Variants in RELA observed in about 807,000 individuals in gnomAD.
RELA encodes transcription factor p65.
RELA carries 14 observed loss-of-function variants against 56.7 expected under a neutral mutation model. That is an observed-to-expected ratio of 0.25 (90% CI 0.16 to 0.39). The LOEUF is 0.39. RELA is among the 10% of genes least tolerant of loss of function. The pLI, the probability that RELA is intolerant of heterozygous loss-of-function variation, is 1.00. For missense variants in RELA, 559 were observed against 736.4 expected, an observed-to-expected ratio of 0.76 and a Z score of 2.79; for synonymous variants, 315 against 289.7, an observed-to-expected ratio of 1.09 and a Z score of -0.89.
chr11:65,655,817 G>A (rs748386265), intron 9 of RELA, 38 bp downstream of exon 9: 9 of 1,612,236 alleles, frequency 5.6e-6, no homozygotes, highest in East Asian at 4.5e-5. Flanking sequence ...CTCCCTGCCC[G>A]CTGCCTTCCT....
Position 65,661,950 on chromosome 11 carries a change from T to G in RELA, c.173A>C (p.His58Pro). 6.2e-7 allele frequency: 1 copy of G among 1,613,272 alleles called. No homozygotes were observed. Among genetic ancestry groups the G allele is most frequent in the Non-Finnish European group, 8.5e-7 (1 of 1,179,664 alleles). Residue 58 changes from histidine to proline, a missense_variant, in exon 3 of 11, where the codon CAC becomes CCC. Transcript: ENST00000406246. The stretch of plus-strand genomic sequence containing the variant: ...CGCAGTGCTGACCTTGATGGTGGGG[T>G]GGGTCTTGGTGGTATCTGTGCTCCT... ...GERSTDTTKTHPTIKINGYTG... is the reference protein window; with the variant it reads ...GERSTDTTKTPPTIKINGYTG...
rs1234035933 is a variant in RELA, at chr11:65,658,032, C to G, written c.877+255G>C. ...ACCCAGGCAAGTTGGACACTATCTC[C>G]TACTTCAAAAGGGTCATGAGATTAA... On this transcript the variant is annotated intron_variant, in intron 8 of 10. Coordinates refer to ENST00000406246, the MANE Select transcript of RELA (RefSeq NM_021975.4). This position sits in a 1 kb window ranked among gnomAD's most constrained non-coding sequence, Gnocchi z 4.5. Among the ~76,000 whole-genome samples, 1 of 152,366 alleles carries G rather than the reference C, an allele frequency of 6.6e-6. No homozygotes were observed. Among genetic ancestry groups the G allele is most frequent in the East Asian group, 1.9e-4 (1 of 5,192 alleles).
chr11:65,654,892 G>T lies in RELA; in HGVS notation c.1142C>A (p.Pro381Gln). The T allele has an allele frequency of 6.3e-7, 1 of 1,585,118 alleles. No homozygotes were observed. Among genetic ancestry groups the T allele is most frequent in the Non-Finnish European group, 8.6e-7 (1 of 1,165,272 alleles). The change falls in exon 11 of 11, where the codon CCG (proline) becomes CAG (glutamine). Residue 381 changes from proline to glutamine, a missense_variant. Pro to Gln is a moderately conservative substitution (Grantham distance 76). This residue lies in a region of RELA where 365 missense variants were observed against 387.5 expected (regional missense o/e 0.94). Coordinates refer to ENST00000406246, the MANE Select transcript of RELA (RefSeq NM_021975.4). ...CTGGGGCAGGACTTGGGGAGGGGCC[G>T]GGGCCAAGGCCGAGGCCTGGCTGAT... is the stretch of plus-strand genomic sequence containing the variant. Reference protein sequence around the residue: ...GQISQASALAPAPPQVLPQAP... With the variant: ...GQISQASALAQAPPQVLPQAP...
chr11:65,661,491 C>T (rs1010877813), intron 4 of RELA, 196 bp downstream of exon 4: 37 of 520,090 alleles, frequency 7.1e-5, no homozygotes, highest in Non-Finnish European at 1.1e-4. Context: ...CCATCCGTAT[C>T]CCCTGGAACT....
chr11:65,662,893 G>T lies in RELA; in HGVS notation c.-61C>A. The T allele has an allele frequency of 8.5e-7, 1 of 1,171,494 alleles. No individual in the cohort carries two copies. The highest frequency in any genetic ancestry group is 1.1e-6 in the Non-Finnish European group (1 of 946,244). The allele number at this position is 1,171,494 out of a possible 1,614,324, so 72.6% of individuals were successfully genotyped here. On this transcript the variant is annotated 5_prime_UTR_variant, in exon 1 of 11. Transcript: ENST00000406246. ...TGGGCCCGCGGCGTGCACTACAGAC[G>T]AGCCATTCGCCAGAGGCGGAAATGC...
chr11:65,654,785 G>A lies in RELA; in HGVS notation c.1249C>T (p.Pro417Ser). 1 of 1,513,850 alleles carries A rather than the reference G, an allele frequency of 6.6e-7. No homozygotes were observed. The highest frequency in any genetic ancestry group is 8.9e-7 in the Non-Finnish European group (1 of 1,128,790). The allele number at this position is 1,513,850 out of a possible 1,614,324, so 93.8% of individuals were successfully genotyped here. The change falls in exon 11 of 11, where the codon CCT becomes TCT. Residue 417 changes from proline (P) to serine (S), a missense_variant. Pro to Ser is a moderately conservative substitution (Grantham distance 74). Transcript: ENST00000406246. Reference protein sequence around the residue: ...PAPVPVLAPGPPQAVAPPAPK... With the variant: ...PAPVPVLAPGSPQAVAPPAPK... ...GCAGGTGGGGCCACAGCCTGAGGAGGGCCTGGGGCTAGGACTGGGACAGGG... is the reference window on the plus strand; with the variant it reads ...GCAGGTGGGGCCACAGCCTGAGGAGAGCCTGGGGCTAGGACTGGGACAGGG...
upstream of RELA, chr11:65,662,950 G>A: frequency 1.2e-6 from 1 of 868,614 alleles, no homozygotes; most frequent in Non-Finnish European, 1.5e-6. Context: ...TCACTGCCCG[G>A]AATCCGGCCG....
Position 65,658,368 on chromosome 11 carries a change from C to T in RELA, c.796G>A (p.Val266Met), listed in dbSNP as rs758298850. 5.6e-6 allele frequency: 9 copies of T among 1,613,766 alleles called. No individual in the cohort carries two copies. In the African/African-American group the frequency reaches 1.2e-4, roughly 22 times the overall value. ...CGCCGCAGCTGCATGGAGACACGCA[C>T]AGGAGCCTGCAGGCTGGGGTCTGCG... is the stretch of plus-strand genomic sequence containing the variant. ...PYADPSLQAP[V>M]RVSMQLRRPS... is the part of the protein sequence containing the mutation. Residue 266 changes from valine (V) to methionine (M), a missense_variant, in exon 8 of 11, where the codon GTG becomes ATG. Physicochemically the swap from Val to Met is conservative, Grantham distance 21. This residue lies in a region of RELA where 365 missense variants were observed against 387.5 expected (regional missense o/e 0.94). Transcript: ENST00000406246. This position sits in a 1 kb window ranked among gnomAD's most constrained non-coding sequence, Gnocchi z 4.5.
intron 8 of RELA, among the ~76,000 whole-genome samples, chr11:65,656,718 T>C (rs1300241506): frequency 6.6e-6 from 1 of 152,042 alleles, no homozygotes; most frequent in Non-Finnish European, 1.5e-5. Context: ...AGGGACACAA[T>C]CATATATACA....
At chr11:65,657,862 C>G (rs1268809044) in intron 8 of RELA, among the ~76,000 whole-genome samples, 3 of 152,198 alleles carry the variant, frequency 2.0e-5, no homozygotes, top group Non-Finnish European at 4.4e-5. Flanking sequence ...GCCCTGGTAC[C>G]AAGTGGACAC....
In RELA at chr11:65,658,439, G is replaced by A; in HGVS notation, c.725C>T (p.Ala242Val). The change falls in exon 8 of 11, where the codon GCT (alanine) becomes GTT (valine). Residue 242 changes from alanine (A) to valine (V), a missense_variant. Physicochemically the swap from Ala to Val is moderately conservative, Grantham distance 64. This residue lies in a region of RELA where 149 missense variants were observed against 256.0 expected (regional missense o/e 0.58). Coordinates refer to ENST00000406246, the MANE Select transcript of RELA (RefSeq NM_021975.4). The surrounding 1 kb of genome is among the most constrained non-coding windows in gnomAD (Gnocchi z 4.5). ...GWEARGSFSQ[A>V]DVHRQVAIVF... is the part of the protein sequence containing the mutation. ...AATGGCCACTTGTCGGTGCACATCAGCTTGCGAAAAGGAGCCTCGGGCCTC... is the reference window on the plus strand; with the variant it reads ...AATGGCCACTTGTCGGTGCACATCAACTTGCGAAAAGGAGCCTCGGGCCTC... 6.2e-7 allele frequency: 1 copy of A among 1,613,388 alleles called. No homozygotes were observed. The highest frequency in any genetic ancestry group is 8.5e-7 in the Non-Finnish European group (1 of 1,179,474).
chr11:65,654,212 G>A lies in RELA; in HGVS notation c.*166C>T, dbSNP rs1328344372. 3.5e-6 allele frequency: 3 copies of A among 855,034 alleles called. No homozygotes were observed. The highest frequency in any genetic ancestry group is 2.6e-5 in the East Asian group (1 of 37,812). 53.0% of individuals were successfully genotyped at this position (855,034 alleles called of 1,614,324 possible). Reference sequence around the variant, plus strand: ...TTAAGCACCTCCAAAAAGAGAGAGAGATACAGATACTGACAATAAAAGAAT... The same window carrying A: ...TTAAGCACCTCCAAAAAGAGAGAGAAATACAGATACTGACAATAAAAGAAT... On this transcript the variant is annotated 3_prime_UTR_variant, in exon 11 of 11. Transcript: ENST00000406246.
chr11:65,659,856 T>TG (rs2135564675), intron 5 of RELA, 59 bp from the exon 6 acceptor site: 12 of 1,557,532 alleles, frequency 7.7e-6, no homozygotes, highest in Non-Finnish European at 9.5e-6. Context: ...GTGCTATCAG[T>TG]GGGGGCAGGG....
At chr11:65,662,255 A>G (rs1856590317) in intron 1 of RELA, 50 bp from the exon 2 acceptor site, 2 of 1,488,414 alleles carry the variant, frequency 1.3e-6, no homozygotes, top group South Asian at 2.8e-5. Flanking sequence ...GCCCATTCTC[A>G]CAAGGAGGAA....
chr11:65,662,243 A>G, intron 1 of RELA, 38 bp from the exon 2 acceptor site: 3 of 1,511,092 alleles, frequency 2.0e-6, no homozygotes, highest in Non-Finnish European at 2.7e-6. Context: ...CACACACCCA[A>G]TGCCCATTCT....
intron 8 of RELA, among the ~76,000 whole-genome samples, chr11:65,656,459 C>T (rs1108922): frequency 0.08 from 12,182 of 152,220 alleles, 648 homozygotes; most frequent in South Asian, 0.28. Flanking sequence ...TCAAAGACAA[C>T]CTCATCATCC....
At position 65,658,231 on chromosome 11, in the gene RELA, C is replaced by G; in HGVS notation, c.877+56G>C. 7.3e-7 allele frequency: 1 copy of G among 1,369,082 alleles called. No individual in the cohort carries two copies. The highest frequency in any genetic ancestry group is 1.0e-6 in the Non-Finnish European group (1 of 994,778). 84.8% of individuals were successfully genotyped at this position (1,369,082 alleles called of 1,614,324 possible). ...ACAGCCCCAGACATGCAGTCTTGGC[C>G]TCTCTCTCACGGCACAGAGCCCAGC... On this transcript the variant is annotated intron_variant, in intron 8 of 10. Transcript: ENST00000406246. The surrounding 1 kb of genome is among the most constrained non-coding windows in gnomAD (Gnocchi z 4.5).
chr11:65,653,952 G>A lies in RELA; in HGVS notation c.*426C>T. ...AGTGCCATACAGGGGCTGGTATCTG[G>A]GGCGTTATTTTGATTAAGCTGTAAT... On this transcript the variant is annotated 3_prime_UTR_variant, in exon 11 of 11. Coordinates refer to ENST00000406246, the MANE Select transcript of RELA (RefSeq NM_021975.4). 1 of 276,434 alleles carries A rather than the reference G, an allele frequency of 3.6e-6. No homozygotes were observed. Among genetic ancestry groups the A allele is most frequent in the Non-Finnish European group, 7.0e-6 (1 of 142,002 alleles). The allele number at this position is 276,434 out of a possible 1,614,324, so 17.1% of individuals were successfully genotyped here.
At chr11:65,659,839 G>T in intron 5 of RELA, 42 bp from the exon 6 acceptor site, 1 of 1,577,818 alleles carries the variant, frequency 6.3e-7, no homozygotes, top group South Asian at 1.2e-5. Flanking sequence ...GGGAAGTGGG[G>T]ATATAGGTGC....
Sources: allele counts gnomAD v4.1 joint callset (sites outside exome capture counted in the v4.1 genomes callset), GRCh38; gene constraint gnomAD v4.1.1; regional missense constraint gnomAD v4.1.1; non-coding constraint Gnocchi (gnomAD v3.1); transcripts MANE v1.5; gene names NCBI Gene and HGNC (gene_info 2026-07-23, HGNC 2026-07-21).